VPS36: variants seen among roughly 807,000 people sequenced by gnomAD.
VPS36 encodes vacuolar protein-sorting-associated protein 36.
Under a neutral mutation model 63.5 loss-of-function variants are expected in VPS36, and 31 were observed. That is an observed-to-expected ratio of 0.49 (90% CI 0.37 to 0.66). VPS36 has a LOEUF of 0.66. Ranked by LOEUF, VPS36 falls within the 30% of genes least tolerant of loss-of-function variation. VPS36 has a pLI of 0.00. For synonymous variants in VPS36, 138 were observed against 157.2 expected (o/e 0.88, Z 0.91); for missense variants, 338 against 463.7 (o/e 0.73, Z 2.49).
At position 52,414,384 on chromosome 13, in the gene VPS36, A is replaced by T. The variant is rs1365375268; in HGVS notation, c.*1446T>A. On this transcript the variant is annotated 3_prime_UTR_variant, in exon 14 of 14. Coordinates refer to ENST00000378060, the MANE Select transcript of VPS36 (RefSeq NM_016075.4). ...CAGAGGATCTGTCACCACAATGAAGAGTCAGTGACAGGTTTGGAAAACAAA... is the reference window on the plus strand; with the variant it reads ...CAGAGGATCTGTCACCACAATGAAGTGTCAGTGACAGGTTTGGAAAACAAA... The T allele has an allele frequency of 1.3e-5, 2 of 152,272 alleles. No homozygotes were observed. The highest frequency in any genetic ancestry group is 2.9e-5 in the Non-Finnish European group (2 of 68,058). The allele number at this position is 152,272 out of a possible 1,614,324, so 9.4% of individuals were successfully genotyped here. A position where few individuals can be genotyped will look rare whatever the true frequency, so the allele number is the denominator to read the frequency against.
At chr13:52,417,177 T>C (rs771042403) in intron 11 of VPS36, 36 bp from the exon 12 acceptor site, 44 of 1,577,660 alleles carry the variant, frequency 2.8e-5, no homozygotes, top group Non-Finnish European at 3.7e-5. Context: ...AGCCAGGAAT[T>C]ATCTAGGATA....
chr13:52,447,742 A>G (rs1050843656), intron 1 of VPS36, among the ~76,000 whole-genome samples: 6 of 151,204 alleles, frequency 4.0e-5, no homozygotes, highest in African/African-American at 1.5e-4. Flanking sequence ...TGTATTAAAC[A>G]TTATATCAAG....
At chr13:52,419,906 G>T (rs1958029471) in intron 10 of VPS36, among the ~76,000 whole-genome samples, 1 of 152,100 alleles carries the variant, frequency 6.6e-6, no homozygotes, top group Admixed American at 6.6e-5. Flanking sequence ...GGGAAGGAGG[G>T]ATAAAGAGAG....
At chr13:52,418,591 A>C (rs1279348798) in intron 10 of VPS36, among the ~76,000 whole-genome samples, 1 of 150,882 alleles carries the variant, frequency 6.6e-6, no homozygotes, top group Non-Finnish European at 1.5e-5. Context: ...AAAAAAAAAA[A>C]AAAAAAAGTA....
chr13:52,424,040 A>G (rs1720578435), intron 9 of VPS36, among the ~76,000 whole-genome samples: 1 of 151,896 alleles, frequency 6.6e-6, no homozygotes, highest in Non-Finnish European at 1.5e-5. Flanking sequence ...TTGTATTTTT[A>G]GTAGGGACAG....
At chr13:52,432,090 T>C (rs930947636) in intron 6 of VPS36, among the ~76,000 whole-genome samples, 1 of 152,158 alleles carries the variant, frequency 6.6e-6, no homozygotes, top group Non-Finnish European at 1.5e-5. Flanking sequence ...CGGTGGCACA[T>C]GCCTGTAATC....
intron 6 of VPS36, among the ~76,000 whole-genome samples, chr13:52,432,324 C>A (rs1342375110): frequency 2.6e-5 from 4 of 152,068 alleles, no homozygotes; most frequent in Admixed American, 6.6e-5. Flanking sequence ...GCACTCCAGC[C>A]TGGGCGACAG....
At chr13:52,424,907 G>A (rs1371959969) in intron 9 of VPS36, among the ~76,000 whole-genome samples, 2 of 151,988 alleles carry the variant, frequency 1.3e-5, no homozygotes, top group Non-Finnish European at 2.9e-5. Context: ...AGAATCGCTT[G>A]AACCCGGGAG....
chr13:52,445,638 C>CAA (rs1260034533), intron 1 of VPS36, among the ~76,000 whole-genome samples: 8 of 36,776 alleles, frequency 2.2e-4, no homozygotes, highest in South Asian at 8.8e-4. Context: ...GACTCCGTCT[C>CAA]AAAAAAAAAA....
chr13:52,449,743 T>G (rs917618028), intron 1 of VPS36, among the ~76,000 whole-genome samples: 3 of 152,246 alleles, frequency 2.0e-5, no homozygotes, highest in Non-Finnish European at 4.4e-5. Context: ...AATATTTACT[T>G]ACACTTCCTA....
At chr13:52,435,392 G>GA (rs148051905) in intron 4 of VPS36, among the ~76,000 whole-genome samples, 58 of 143,226 alleles carry the variant, frequency 4.0e-4, no homozygotes, top group Non-Finnish European at 5.1e-4. Flanking sequence ...AAGCACAAGG[G>GA]AAAAAAAAAA....
Position 52,434,220 on chromosome 13 carries a change from T to C in VPS36, c.442-472A>G, listed in dbSNP as rs114940783. On this transcript the variant is annotated intron_variant, in intron 5 of 13. Coordinates refer to ENST00000378060, the MANE Select transcript of VPS36 (RefSeq NM_016075.4). Reference sequence around the variant, plus strand: ...GCTGTACTGTCTATTCTCTCAAATGTCACACTGATTATGAAGAACAGAATG... The same window carrying C: ...GCTGTACTGTCTATTCTCTCAAATGCCACACTGATTATGAAGAACAGAATG... Among the ~76,000 whole-genome samples, 1,120 of 152,322 alleles carry C rather than the reference T, an allele frequency of 7.4e-3. 5 individuals are homozygous for C. The highest frequency in any genetic ancestry group is 0.017 in the African/African-American group (697 of 41,568).
At chr13:52,434,321 C>A (rs1200559313) in intron 5 of VPS36, among the ~76,000 whole-genome samples, 2 of 152,138 alleles carry the variant, frequency 1.3e-5, no homozygotes, top group Non-Finnish European at 2.9e-5. Context: ...TAAGCGTCTG[C>A]TGTATAGACA....
chr13:52,419,030 T>C (rs1358698597), intron 10 of VPS36, among the ~76,000 whole-genome samples: 1 of 152,232 alleles, frequency 6.6e-6, no homozygotes, highest in Non-Finnish European at 1.5e-5. Context: ...ACACTAAAAG[T>C]AGCCATGTCA....
At chr13:52,442,072 T>G (rs1044765273) in intron 2 of VPS36, among the ~76,000 whole-genome samples, 3 of 152,130 alleles carry the variant, frequency 2.0e-5, no homozygotes, top group Non-Finnish European at 4.4e-5. Flanking sequence ...TAACTCCTGT[T>G]TTTGCACTCC....
At position 52,412,793 on chromosome 13, in the gene VPS36, C is replaced by T. The variant is rs915949168; in HGVS notation, c.*3037G>A. 3 of 152,194 alleles carry T rather than the reference C, an allele frequency of 2.0e-5. No individual in the cohort carries two copies. The highest frequency in any genetic ancestry group is 2.0e-4 in the Admixed American group (3 of 15,282). 9.4% of individuals were successfully genotyped at this position (152,194 alleles called of 1,614,324 possible). On this transcript the variant is annotated 3_prime_UTR_variant, in exon 14 of 14. Coordinates refer to ENST00000378060, the MANE Select transcript of VPS36 (RefSeq NM_016075.4). ...CATCCATGAACAAACCAGATAAAAA[C>T]TTCTGCCCTTGCGCAGCTTATACTC...
chr13:52,441,007 T>C (rs1958270798), intron 2 of VPS36, among the ~76,000 whole-genome samples: 1 of 152,160 alleles, frequency 6.6e-6, no homozygotes, highest in Non-Finnish European at 1.5e-5. Context: ...CCTGCTCCTA[T>C]GAGAATCTAA....
chr13:52,418,458 C>T (rs1303499580), intron 10 of VPS36, among the ~76,000 whole-genome samples: 1 of 150,806 alleles, frequency 6.6e-6, no homozygotes, highest in Non-Finnish European at 1.5e-5. Context: ...GCCTGTAATC[C>T]CAGCTACTCG....
At chr13:52,436,555 T>C (rs1958220543) in intron 3 of VPS36, 151 bp from the exon 4 acceptor site, 1 of 620,236 alleles carries the variant, frequency 1.6e-6, no homozygotes, top group Admixed American at 3.0e-5. Flanking sequence ...TGTGTATTAA[T>C]TCAATATTAA....
Sources: gnomAD v4.1 joint callset for allele counts (sites outside exome capture counted in the v4.1 genomes callset) on GRCh38, gnomAD v4.1.1 for gene constraint, MANE v1.5 for transcripts, NCBI Gene and HGNC (gene_info 2026-07-23, HGNC 2026-07-21) for gene names.